Variants in FHIP2A observed in about 807,000 individuals in gnomAD.
FHIP2A encodes the protein FHF complex subunit HOOK interacting protein 2A.
In FHIP2A, 46 loss-of-function variants were observed where a neutral mutation model predicts 93.5. The observed-to-expected ratio is 0.49, with a 90% CI of 0.39 to 0.63. FHIP2A has a LOEUF of 0.63. Ranked by LOEUF, FHIP2A falls within the 20% of genes least tolerant of loss-of-function variation. The pLI is 0.00. For synonymous variants in FHIP2A, 332 were observed against 326.5 expected (o/e 1.02, Z -0.18); for missense variants, 769 against 909.7 (o/e 0.85, Z 1.99).
intron 16 of FHIP2A, among the ~76,000 whole-genome samples, chr10:114,875,916 G>GA (rs61218530): frequency 1.7e-5 from 2 of 119,736 alleles, no homozygotes; most frequent in South Asian, 2.9e-4. Context: ...GAAAGAGAAA[G>GA]AAAGAAAGAA....
chr10:114,847,016 T>A (rs745335878), intron 11 of FHIP2A, 74 bp from the exon 12 acceptor site: 25 of 1,285,270 alleles, frequency 1.9e-5, no homozygotes, highest in Non-Finnish European at 2.5e-5. Flanking sequence ...TCTAAGAACA[T>A]AGCAGAGAAT....
chr10:114,891,599 A>ATG (rs545699733), intron 16 of FHIP2A, among the ~76,000 whole-genome samples: 82 of 141,922 alleles, frequency 5.8e-4, no homozygotes, highest in East Asian at 4.7e-3. Context: ...GTGTGTATAT[A>ATG]TGTGTGTGTG....
chr10:114,823,166 A>G (rs1004597161), intron 1 of FHIP2A, among the ~76,000 whole-genome samples: 3 of 152,228 alleles, frequency 2.0e-5, no homozygotes, highest in African/African-American at 7.2e-5. Flanking sequence ...ATGATTTTTT[A>G]TGGGCAGGCA....
intron 14 of FHIP2A, among the ~76,000 whole-genome samples, chr10:114,855,944 A>G (rs1386856608): frequency 2.0e-5 from 3 of 152,128 alleles, no homozygotes; most frequent in East Asian, 1.9e-4. Context: ...CCCTCCTTCC[A>G]TCTCTCATTG....
At chr10:114,868,194 CGGG>C (rs2083840139), downstream of FHIP2A, among the ~76,000 whole-genome samples, 1 of 152,100 alleles carries the variant, frequency 6.6e-6, no homozygotes, top group Non-Finnish European at 1.5e-5. Flanking sequence ...CCCCAACCCC[CGGG>C]CCACAGACCA....
chr10:114,874,877 G>T (rs781037369), intron 16 of FHIP2A, among the ~76,000 whole-genome samples: 2 of 152,176 alleles, frequency 1.3e-5, no homozygotes, highest in African/African-American at 4.8e-5. Flanking sequence ...GGCCACAGAG[G>T]CCCTTGGATA....
chr10:114,845,778 G>C (rs1324327766), intron 8 of FHIP2A, among the ~76,000 whole-genome samples: 1 of 151,984 alleles, frequency 6.6e-6, no homozygotes, highest in Non-Finnish European at 1.5e-5. Context: ...ATACTATATG[G>C]ACATTGGAAT....
intron 1 of FHIP2A, among the ~76,000 whole-genome samples, chr10:114,826,662 C>A (rs1377244124): frequency 6.6e-6 from 1 of 152,078 alleles, no homozygotes; most frequent in Non-Finnish European, 1.5e-5. Context: ...TGGGGAAGGT[C>A]ACTAGGAAAG....
intron 16 of FHIP2A, among the ~76,000 whole-genome samples, chr10:114,879,481 C>T (rs1259245056): frequency 6.6e-6 from 1 of 152,102 alleles, no homozygotes; most frequent in African/African-American, 2.4e-5. Context: ...ACTCTGAGCA[C>T]TAATACTTTT....
chr10:114,824,012 G>C (rs1442909602), intron 1 of FHIP2A, among the ~76,000 whole-genome samples: 1 of 152,120 alleles, frequency 6.6e-6, no homozygotes, highest in Non-Finnish European at 1.5e-5. Flanking sequence ...GTACTGCCTT[G>C]AATCCATGTG....
chr10:114,863,258 T>TA lies in FHIP2A; in HGVS notation c.*1720dup, dbSNP rs2083810936. On this transcript the variant is annotated 3_prime_UTR_variant, in exon 17 of 17. Coordinates refer to ENST00000369248, the MANE Select transcript of FHIP2A (RefSeq NM_020940.4). ...AGGCATTCAGTTTGCTGTATTTTTT[T>TA]AATCACTTCATACAAGGAAAACTTC... 1.0e-6 allele frequency: 1 copy of TA among 984,148 alleles called. No homozygotes were observed. Among genetic ancestry groups the TA allele is most frequent in the Non-Finnish European group, 1.2e-6 (1 of 828,782 alleles). The allele number at this position is 984,148 out of a possible 1,614,324, so 61.0% of individuals were successfully genotyped here.
intron 5 of FHIP2A, among the ~76,000 whole-genome samples, chr10:114,839,881 CAAAAA>C (rs10612399): frequency 8.9e-4 from 85 of 95,558 alleles, no homozygotes; most frequent in Non-Finnish European, 5.2e-4. Flanking sequence ...GACTCTGTCT[CAAAAA>C]AAAAAAAAAA....
In FHIP2A at chr10:114,855,125, T is replaced by G. The variant is rs1295950046; in HGVS notation, c.1804-72T>G. On this transcript the variant is annotated intron_variant, in intron 13 of 16. Transcript: ENST00000369248. ...TCAAATGGTTTTTTATATGCCTATT[T>G]AATGAAATCATTTCTATTTCATCTT... 23 of 1,511,648 alleles carry G rather than the reference T, an allele frequency of 1.5e-5. No individual in the cohort carries two copies. In the Admixed American group the frequency reaches 4.4e-4, roughly 29 times the overall value. 93.6% of individuals were successfully genotyped at this position (1,511,648 alleles called of 1,614,324 possible).
chr10:114,855,286 T>A lies in FHIP2A; in HGVS notation c.1893T>A (p.Phe631Leu), dbSNP rs3180654. 6.2e-7 allele frequency: 1 copy of A among 1,613,730 alleles called. No individual in the cohort carries two copies. Among genetic ancestry groups the A allele is most frequent in the South Asian group, 1.1e-5 (1 of 91,066 alleles). The part of the protein sequence containing the change: ...LEKCNLEAAF[F>L]EGHFLKVLFD... ...AGTGCAATTTAGAAGCTGCTTTCTT[T>A]GAAGGTCATTTTTTGAAAGTGCTGT... The change falls in exon 14 of 17, where the codon TTT becomes TTA. Residue 631 changes from phenylalanine to leucine, a missense_variant. Physicochemically the swap from Phe to Leu is conservative, Grantham distance 22. Coordinates refer to ENST00000369248, the MANE Select transcript of FHIP2A (RefSeq NM_020940.4).
rs35007631 is a variant in FHIP2A, at chr10:114,846,524, AT to A, written c.1399-30del. On this transcript the variant is annotated intron_variant, in intron 10 of 16. Transcript: ENST00000369248. ...TAAGAAGAGTAACTTATGTAAAGACATTTTTCAGTTAGCTTTTATCAATTTT... is the reference window on the plus strand; with the variant it reads ...TAAGAAGAGTAACTTATGTAAAGACATTTTCAGTTAGCTTTTATCAATTTT... The A allele has an allele frequency of 2.6e-3, 4,041 of 1,543,068 alleles. 114 individuals are homozygous for A. The African/African-American group carries it at 0.05, about 19-fold the overall frequency.
chr10:114,861,001 A>G, intron 15 of FHIP2A, 112 bp downstream of exon 15: 1 of 1,115,350 alleles, frequency 9.0e-7, no homozygotes, highest in Non-Finnish European at 1.3e-6. Flanking sequence ...TCTACTGCTT[A>G]AAAGTAATTA....
Position 114,862,198 on chromosome 10 carries a change from T to C in FHIP2A, c.*658T>C, listed in dbSNP as rs2083804398. ...TTAAAGAAATGTTCTTTTACTCTTT[T>C]GTGCACATAGCCATGTTAGTGATTT... is the stretch of plus-strand genomic sequence containing the variant. On this transcript the variant is annotated 3_prime_UTR_variant, in exon 17 of 17. Coordinates refer to ENST00000369248, the MANE Select transcript of FHIP2A (RefSeq NM_020940.4). The C allele has an allele frequency of 1.0e-6, 1 of 958,416 alleles. No homozygotes were observed. 59.4% of individuals were successfully genotyped at this position (958,416 alleles called of 1,614,324 possible). A position where few individuals can be genotyped will look rare whatever the true frequency, so the allele number is the denominator to read the frequency against.
rs1293508582 is a variant in FHIP2A at position 114,862,721 on chromosome 10, A to G, written c.*1181A>G. 5.1e-6 allele frequency: 5 copies of G among 985,304 alleles called. No homozygotes were observed. Among genetic ancestry groups the G allele is most frequent in the Non-Finnish European group, 3.6e-6 (3 of 830,028 alleles). 61.0% of individuals were successfully genotyped at this position (985,304 alleles called of 1,614,324 possible). A position where few individuals can be genotyped will look rare whatever the true frequency, so the allele number is the denominator to read the frequency against. ...AATCGTGTTTGCCAGTCCACTTTCT[A>G]TTTTTCCTTTAAGTGATGCTGATCA... On this transcript the variant is annotated 3_prime_UTR_variant, in exon 17 of 17. Transcript: ENST00000369248.
Position 114,888,536 on chromosome 10 carries a change from T to C in FHIP2A, c.2193-10954T>C, listed in dbSNP as rs544589258. Among the ~76,000 whole-genome samples, 3 of 152,268 alleles carry C rather than the reference T, an allele frequency of 2.0e-5. No homozygotes were observed. The South Asian group carries it at 6.2e-4, about 32-fold the overall frequency. ...AGTGTCCGTAAGATACCGTTCAAGG[T>C]AGAGAGCGGTGAAGAAGCTTAAGTA... On this transcript the variant is annotated intron_variant, in intron 16 of 16. Coordinates refer to the FHIP2A transcript ENST00000369250.
Sources: allele counts gnomAD v4.1 joint callset (sites outside exome capture counted in the v4.1 genomes callset), GRCh38; gene constraint gnomAD v4.1.1; transcripts MANE v1.5; gene names NCBI Gene and HGNC (gene_info 2026-07-23, HGNC 2026-07-21).